The following USP37 variants were observed in gnomAD, a reference collection of about 807,000 sequenced individuals.
The protein encoded by USP37 is ubiquitin specific peptidase 37.
USP37 carries 27 observed loss-of-function variants against 124.0 expected under a neutral mutation model. The observed-to-expected ratio is 0.22, with a 90% CI of 0.16 to 0.30. The LOEUF is 0.30. Among genes scored for constraint, USP37 ranks in the 10% least tolerant of loss-of-function variants. The probability of loss-of-function intolerance (pLI) is 1.00; values close to 1 mark genes in which losing one functional copy is unlikely to be tolerated. For synonymous variants in USP37, 365 were observed against 388.0 expected, an observed-to-expected ratio of 0.94 and a Z score of 0.70; for missense variants, 889 against 1,140.4, an observed-to-expected ratio of 0.78 and a Z score of 3.17.
chr2:218,520,671 A>T (rs1690560045), intron 10 of USP37, among the ~76,000 whole-genome samples: 1 of 152,284 alleles, frequency 6.6e-6, no homozygotes, highest in East Asian at 1.9e-4. Context: ...AGTTTTACAA[A>T]AAAGTGTTAT....
intron 10 of USP37, among the ~76,000 whole-genome samples, chr2:218,520,314 T>A (rs1386981441): frequency 6.6e-6 from 1 of 151,620 alleles, no homozygotes; most frequent in Admixed American, 6.6e-5. Flanking sequence ...CATCATCTAA[T>A]ACCTGACTCA....
At chr2:218,523,762 G>C (rs1482470132) in intron 10 of USP37, among the ~76,000 whole-genome samples, 2 of 152,016 alleles carry the variant, frequency 1.3e-5, no homozygotes, top group African/African-American at 4.8e-5. Flanking sequence ...GATTCTCTTT[G>C]TGTTAAATAT....
chr2:218,455,072 G>A, intron 25 of USP37, 55 bp from the exon 26 acceptor site: 2 of 1,596,218 alleles, frequency 1.3e-6, no homozygotes, highest in Admixed American at 3.4e-5. Context: ...CAGAACCAAA[G>A]AATAGGCAGG....
intron 8 of USP37, among the ~76,000 whole-genome samples, chr2:218,535,692 T>C (rs971416080): frequency 1.3e-5 from 2 of 151,720 alleles, no homozygotes; most frequent in Non-Finnish European, 2.9e-5. Context: ...CTGTCTCTAC[T>C]AAAAATACAA....
At chr2:218,507,130 T>G (rs1689724701) in intron 11 of USP37, among the ~76,000 whole-genome samples, 1 of 151,894 alleles carries the variant, frequency 6.6e-6, no homozygotes, top group African/African-American at 2.4e-5. Flanking sequence ...TTTCAAGTGC[T>G]TCTTTCAAGG....
intron 18 of USP37, 133 bp downstream of exon 18, chr2:218,479,517 A>G: frequency 1.4e-6 from 1 of 717,828 alleles, no homozygotes; most frequent in South Asian, 1.7e-5. Context: ...GAAAGTTTCA[A>G]AAGTATAGGT....
intron 19 of USP37, among the ~76,000 whole-genome samples, chr2:218,475,280 G>T (rs1387427814): frequency 6.6e-6 from 1 of 152,154 alleles, no homozygotes; most frequent in Non-Finnish European, 1.5e-5. Context: ...AATGTTAGCT[G>T]ATCTTATTAA....
intron 10 of USP37, 41 bp downstream of exon 10, chr2:218,529,915 G>C (rs1306346905): frequency 6.8e-7 from 1 of 1,463,858 alleles, no homozygotes; most frequent in East Asian, 2.3e-5. Context: ...GAAAAAAAAA[G>C]AACTCCTAAG....
chr2:218,456,756 T>G (rs1419153377), intron 24 of USP37, among the ~76,000 whole-genome samples: 1 of 151,994 alleles, frequency 6.6e-6, no homozygotes, highest in Non-Finnish European at 1.5e-5. Flanking sequence ...GATCTCTTGA[T>G]CCCAGGAGTT....
intron 9 of USP37, among the ~76,000 whole-genome samples, chr2:218,533,368 TCCAA>T (rs1691444576): frequency 6.6e-6 from 1 of 152,204 alleles, no homozygotes; most frequent in Non-Finnish European, 1.5e-5. Flanking sequence ...TTCTCCTCTC[TCCAA>T]CCATTAGTAG....
At chr2:218,467,883 T>G (rs78277796) in intron 20 of USP37, among the ~76,000 whole-genome samples, 1 of 148,828 alleles carries the variant, frequency 6.7e-6, no homozygotes, top group South Asian at 2.1e-4. Flanking sequence ...ACATTTCATG[T>G]TTTTTTTGTT....
At position 218,453,065 on chromosome 2, in the gene USP37, T is replaced by A. The variant is rs1184453451; in HGVS notation, c.*1865A>T. ...CATTACAATAAGGTATATAGGTAGA[T>A]GGTAGGAGGCAAAGCATTTATCAGT... On this transcript the variant is annotated 3_prime_UTR_variant, in exon 26 of 26. Coordinates refer to ENST00000258399, the MANE Select transcript of USP37 (RefSeq NM_020935.3). The A allele has an allele frequency of 1.3e-5, 2 of 152,214 alleles. No homozygotes were observed. Among genetic ancestry groups the A allele is most frequent in the Non-Finnish European group, 2.9e-5 (2 of 68,032 alleles). The allele number at this position is 152,214 out of a possible 1,614,324, so 9.4% of individuals were successfully genotyped here. A position where few individuals can be genotyped will look rare whatever the true frequency, so the allele number is the denominator to read the frequency against.
chr2:218,529,338 T>C (rs1691172344), intron 10 of USP37, among the ~76,000 whole-genome samples: 1 of 152,098 alleles, frequency 6.6e-6, no homozygotes, highest in African/African-American at 2.4e-5. Context: ...AAATCCTGTC[T>C]CTACAAAAAT....
At chr2:218,502,607 G>A (rs1689446856) in intron 11 of USP37, among the ~76,000 whole-genome samples, 3 of 152,158 alleles carry the variant, frequency 2.0e-5, no homozygotes, top group South Asian at 2.1e-4. Context: ...AAATCAAAAT[G>A]AAGCCCACCA....
At position 218,461,518 on chromosome 2, in the gene USP37, A is replaced by G. The variant is rs555412394; in HGVS notation, c.2528-1613T>C. ...AGAAACTCCATCTCAAAAGAAAAAA[A>G]AAAGAAAAAAGAAAATCTAAGAATG... On this transcript the variant is annotated intron_variant, in intron 22 of 25. Coordinates refer to ENST00000258399, the MANE Select transcript of USP37 (RefSeq NM_020935.3). 2.6e-5 allele frequency among the ~76,000 whole-genome samples: 4 copies of G among 152,016 alleles called. No homozygotes were observed. The East Asian group carries it at 7.7e-4, about 29-fold the overall frequency.
At chr2:218,537,502 A>C (rs35311533) in intron 8 of USP37, among the ~76,000 whole-genome samples, 8,628 of 152,316 alleles carry the variant, frequency 0.057, 363 homozygotes, top group East Asian at 0.12. Flanking sequence ...TAACAAAATT[A>C]GAATCCAGGT....
At chr2:218,549,170 A>T (rs1257495844) in intron 6 of USP37, among the ~76,000 whole-genome samples, 1 of 152,198 alleles carries the variant, frequency 6.6e-6, no homozygotes, top group Non-Finnish European at 1.5e-5. Flanking sequence ...TGTAAGTCAA[A>T]ATATATCAAA....
chr2:218,516,867 T>C (rs1690317997), intron 10 of USP37, among the ~76,000 whole-genome samples: 1 of 152,192 alleles, frequency 6.6e-6, no homozygotes, highest in Admixed American at 6.5e-5. Flanking sequence ...AATCAATCTA[T>C]ACATGAATTT....
intron 10 of USP37, among the ~76,000 whole-genome samples, chr2:218,519,287 T>A (rs1690464177): frequency 6.6e-6 from 1 of 152,214 alleles, no homozygotes; most frequent in Non-Finnish European, 1.5e-5. Context: ...ATGTCAATCA[T>A]CTAGGATACT....
Sources: allele counts gnomAD v4.1 joint callset (sites outside exome capture counted in the v4.1 genomes callset), GRCh38; gene constraint gnomAD v4.1.1; transcripts MANE v1.5; gene names NCBI Gene and HGNC (gene_info 2026-07-23, HGNC 2026-07-21).